PRR5L: variants seen among roughly 807,000 people sequenced by gnomAD.
PRR5L encodes proline rich 5 like.
Under a neutral mutation model 36.4 loss-of-function variants are expected in PRR5L, and 21 were observed. That is an observed-to-expected ratio of 0.58 (90% CI 0.41 to 0.83). PRR5L has a LOEUF of 0.83. Ranked by LOEUF, PRR5L falls within the 40% of genes least tolerant of loss-of-function variation. PRR5L has a pLI of 0.00. For synonymous variants in PRR5L, 188 were observed against 197.0 expected (o/e 0.95, Z 0.38); for missense variants, 381 against 473.3 (o/e 0.80, Z 1.81).
intron 3 of PRR5L, 27 bp downstream of exon 3, chr11:36,403,405 AT>A: frequency 6.3e-7 from 1 of 1,596,150 alleles, no homozygotes; most frequent in Non-Finnish European, 8.6e-7. Context: ...ACTTGGTGCC[AT>A]TTTCCCCTAT....
At chr11:36,447,647 T>C (rs1858858801) in intron 7 of PRR5L, among the ~76,000 whole-genome samples, 1 of 152,190 alleles carries the variant, frequency 6.6e-6, no homozygotes, top group South Asian at 2.1e-4. Context: ...ACAGCAGTGA[T>C]GGAATGTCAG....
chr11:36,318,415 G>A (rs911765761), intron 1 of PRR5L, among the ~76,000 whole-genome samples: 3 of 151,998 alleles, frequency 2.0e-5, no homozygotes, highest in African/African-American at 4.8e-5. Context: ...GCGAACCATT[G>A]GATTCATTGG....
At chr11:36,408,651 C>T (rs943493440) in intron 3 of PRR5L, among the ~76,000 whole-genome samples, 11 of 152,074 alleles carry the variant, frequency 7.2e-5, no homozygotes, top group Middle Eastern at 3.2e-3. Context: ...ATTTTGGCAG[C>T]GAGGAAAAGT....
At chr11:36,445,118 G>A (rs11604953) in intron 6 of PRR5L, among the ~76,000 whole-genome samples, 6,800 of 152,284 alleles carry the variant, frequency 0.045, 209 homozygotes, top group Non-Finnish European at 0.068. Context: ...GATGTGGGGG[G>A]TCAGGGGATA....
rs1176142817 is a variant in PRR5L, at chr11:36,377,349, G to A, written c.-125-23648G>A. 6.6e-6 allele frequency among the ~76,000 whole-genome samples: 1 copy of A among 152,220 alleles called. No individual in the cohort carries two copies. Among genetic ancestry groups the A allele is most frequent in the Non-Finnish European group, 1.5e-5 (1 of 68,036 alleles). ...GGGACGGCCCGGCTGCGGACCCCGCGCTGGGAGTCCGCAGTATCCCCCTTC... is the reference window on the plus strand; with the variant it reads ...GGGACGGCCCGGCTGCGGACCCCGCACTGGGAGTCCGCAGTATCCCCCTTC... On this transcript the variant is annotated intron_variant, in intron 1 of 8. Coordinates refer to ENST00000530639, the MANE Select transcript of PRR5L (RefSeq NM_001160167.2). This position sits in a 1 kb window ranked among gnomAD's most constrained non-coding sequence, Gnocchi z 5.1.
intron 1 of PRR5L, among the ~76,000 whole-genome samples, chr11:36,336,269 C>T (rs1269322661): frequency 6.6e-6 from 1 of 152,158 alleles, no homozygotes; most frequent in Non-Finnish European, 1.5e-5. Context: ...GTCTCTGTTG[C>T]CCAGGCTAGA....
intron 1 of PRR5L, among the ~76,000 whole-genome samples, chr11:36,303,181 G>C (rs565578946): frequency 6.8e-4 from 103 of 152,312 alleles, no homozygotes; most frequent in African/African-American, 2.3e-3. Flanking sequence ...CCAGACTCAA[G>C]GTGATGGTGA....
At chr11:36,388,916 G>A (rs2133539679) in intron 1 of PRR5L, among the ~76,000 whole-genome samples, 1 of 152,010 alleles carries the variant, frequency 6.6e-6, no homozygotes, top group East Asian at 1.9e-4. Context: ...AGCTAGGATG[G>A]TCTGGATCTC....
intron 7 of PRR5L, among the ~76,000 whole-genome samples, chr11:36,449,173 C>T (rs1858894700): frequency 6.6e-6 from 1 of 152,186 alleles, no homozygotes; most frequent in African/African-American, 2.4e-5. Context: ...GGCCCAAGTC[C>T]ATCTTGAGCA....
chr11:36,459,973 T>C (rs1859144375), intron 8 of PRR5L, among the ~76,000 whole-genome samples: 1 of 152,216 alleles, frequency 6.6e-6, no homozygotes, highest in Non-Finnish European at 1.5e-5. Flanking sequence ...ATGAAAATTT[T>C]AAAGACGTAT....
rs887592047 is a variant in PRR5L at position 36,419,375 on chromosome 11, T to C, written c.294+72T>C. 9.3e-6 allele frequency: 12 copies of C among 1,284,036 alleles called. No individual in the cohort carries two copies. In the East Asian group the frequency reaches 2.8e-4, roughly 30 times the overall value. 79.5% of individuals were successfully genotyped at this position (1,284,036 alleles called of 1,614,324 possible). ...GCATGGACCTAAAAGGGGTGGCCAA[T>C]ACTGTACAGTTGGACATTCCTTCAA... On this transcript the variant is annotated intron_variant, in intron 4 of 8. Coordinates refer to ENST00000530639, the MANE Select transcript of PRR5L (RefSeq NM_001160167.2).
chr11:36,371,852 G>C (rs1251603840), intron 1 of PRR5L, among the ~76,000 whole-genome samples: 1 of 151,966 alleles, frequency 6.6e-6, no homozygotes, highest in South Asian at 2.1e-4. Context: ...CGAGGTCAAC[G>C]GTTGGAGACC....
chr11:36,374,372 C>T (rs897723587), intron 1 of PRR5L, among the ~76,000 whole-genome samples: 12 of 151,864 alleles, frequency 7.9e-5, no homozygotes, highest in Admixed American at 1.3e-4. Context: ...GGATTACAGG[C>T]GTGAGCCACC....
chr11:36,389,614 A>ATTTTTTTTTTT (rs368918273), intron 1 of PRR5L, among the ~76,000 whole-genome samples: 1 of 135,002 alleles, frequency 7.4e-6, no homozygotes, highest in African/African-American at 2.8e-5. Context: ...AGCCCCATGT[A>ATTTTTTTTTTT]TTTTTTTTTT....
chr11:36,417,390 G>C (rs1267731574), intron 3 of PRR5L, among the ~76,000 whole-genome samples: 1 of 152,198 alleles, frequency 6.6e-6, no homozygotes, highest in Non-Finnish European at 1.5e-5. Flanking sequence ...ATAGGTTGCT[G>C]TTTCCTGTCT....
chr11:36,388,698 C>CTTT (rs36056659), intron 1 of PRR5L, among the ~76,000 whole-genome samples: 1,774 of 108,898 alleles, frequency 0.016, 26 homozygotes, highest in Non-Finnish European at 0.02. Flanking sequence ...CTCTTTCTTT[C>CTTT]TTTTTTTTTT....
At chr11:36,436,829 G>A (rs1858615404) in intron 5 of PRR5L, among the ~76,000 whole-genome samples, 2 of 152,196 alleles carry the variant, frequency 1.3e-5, no homozygotes, top group African/African-American at 4.8e-5. Flanking sequence ...GTCTAGTCAT[G>A]AGATATCTTA....
chr11:36,374,437 A>G (rs1857232699), intron 1 of PRR5L, among the ~76,000 whole-genome samples: 1 of 151,944 alleles, frequency 6.6e-6, no homozygotes, highest in South Asian at 2.1e-4. Flanking sequence ...TTACAAGGTT[A>G]TAGATGCTAT....
At chr11:36,437,573 T>A (rs1038815599) in intron 6 of PRR5L, 97 bp downstream of exon 6, 17 of 718,766 alleles carry the variant, frequency 2.4e-5, no homozygotes, top group Non-Finnish European at 3.6e-5. Context: ...GGGAGAAAAC[T>A]TGGAGATTGG....
Sources: allele counts gnomAD v4.1 joint callset (sites outside exome capture counted in the v4.1 genomes callset), GRCh38; gene constraint gnomAD v4.1.1; non-coding constraint Gnocchi (gnomAD v3.1); transcripts MANE v1.5; gene names NCBI Gene and HGNC (gene_info 2026-07-23, HGNC 2026-07-21).